Variants in GRIP1 observed in about 807,000 individuals in gnomAD.
The protein encoded by GRIP1 is glutamate receptor interacting protein 1, also known as glutamate receptor-interacting protein 1.
GRIP1 carries 45 observed loss-of-function variants against 129.9 expected under a neutral mutation model. The ratio of observed to expected loss-of-function variants is 0.35; its 90% CI spans 0.27 to 0.44. The LOEUF is 0.44. GRIP1 is among the 20% of genes least tolerant of loss of function. The pLI, the probability that GRIP1 is intolerant of heterozygous loss-of-function variation, is 1.00. For missense variants in GRIP1, 1,196 were observed against 1,396.8 expected (o/e 0.86, Z 2.29); for synonymous variants, 530 against 520.8 (o/e 1.02, Z -0.24).
At chr12:66,413,455 T>C (rs2057472668) in intron 15 of GRIP1, among the ~76,000 whole-genome samples, 1 of 152,026 alleles carries the variant, frequency 6.6e-6, no homozygotes, top group African/African-American at 2.4e-5. Flanking sequence ...CAGTAATAAA[T>C]AGGCTACCAA....
chr12:66,553,602 A>T (rs1335060981), intron 2 of GRIP1, among the ~76,000 whole-genome samples: 1 of 151,586 alleles, frequency 6.6e-6, no homozygotes, highest in Non-Finnish European at 1.5e-5. Context: ...GGAACCAAAA[A>T]TCAGGTGAGC....
At chr12:66,501,543 TG>T (rs908321054) in intron 7 of GRIP1, among the ~76,000 whole-genome samples, 5 of 152,184 alleles carry the variant, frequency 3.3e-5, no homozygotes, top group African/African-American at 1.2e-4. Context: ...CTATAAAAGA[TG>T]GCCTCAGACT....
chr12:66,628,115 T>C (rs1016436822), intron 1 of GRIP1, among the ~76,000 whole-genome samples: 14 of 152,138 alleles, frequency 9.2e-5, no homozygotes, highest in South Asian at 2.1e-4. Flanking sequence ...GGGAAAGCCA[T>C]AGCCACCTGG....
At chr12:66,520,127 C>T (rs987439160) in intron 5 of GRIP1, among the ~76,000 whole-genome samples, 2 of 152,218 alleles carry the variant, frequency 1.3e-5, no homozygotes, top group Non-Finnish European at 2.9e-5. Context: ...CCATACTAAA[C>T]AGATATGCTC....
chr12:67,052,018 C>T (rs1236831236), intron 1 of GRIP1, among the ~76,000 whole-genome samples: 1 of 152,112 alleles, frequency 6.6e-6, no homozygotes, highest in Admixed American at 6.6e-5. Context: ...CAGGCTGAAC[C>T]ACATATCAGT....
intron 23 of GRIP1, among the ~76,000 whole-genome samples, chr12:66,361,126 G>T (rs2054738933): frequency 6.6e-6 from 1 of 152,176 alleles, no homozygotes; most frequent in Non-Finnish European, 1.5e-5. Flanking sequence ...TTCTAAACTG[G>T]AAGCCTACAG....
At chr12:66,799,054 C>T (rs776533764) in intron 1 of GRIP1, among the ~76,000 whole-genome samples, 9 of 152,096 alleles carry the variant, frequency 5.9e-5, no homozygotes, top group East Asian at 1.9e-4. Flanking sequence ...CCCAGTTCCA[C>T]GACAATCAGT....
At chr12:66,940,915 T>TA (rs1157567473) in intron 1 of GRIP1, among the ~76,000 whole-genome samples, 3 of 152,200 alleles carry the variant, frequency 2.0e-5, no homozygotes, top group African/African-American at 7.2e-5. Context: ...AAGTGAGCTA[T>TA]AAATTTAATA....
chr12:66,350,222 G>A (rs2054159906), intron 24 of GRIP1, among the ~76,000 whole-genome samples: 1 of 152,044 alleles, frequency 6.6e-6, no homozygotes, highest in South Asian at 2.1e-4. Flanking sequence ...TTGTGGCCAG[G>A]TGCAGTGGCT....
intron 1 of GRIP1, among the ~76,000 whole-genome samples, chr12:66,625,399 T>C (rs976938379): frequency 6.6e-6 from 1 of 152,206 alleles, no homozygotes; most frequent in Non-Finnish European, 1.5e-5. Flanking sequence ...AGATGACCAG[T>C]AGATCTTATA....
chr12:66,355,220 ATGTGTG>A (rs142071978), intron 23 of GRIP1, among the ~76,000 whole-genome samples: 2 of 151,436 alleles, frequency 1.3e-5, no homozygotes, highest in Non-Finnish European at 3.0e-5. Context: ...TTGTGTGTGC[ATGTGTG>A]TGTGTGTGTG....
At chr12:66,527,914 T>A (rs2061310851) in intron 5 of GRIP1, among the ~76,000 whole-genome samples, 1 of 151,746 alleles carries the variant, frequency 6.6e-6, no homozygotes, top group East Asian at 1.9e-4. Flanking sequence ...CAAGCCCCCA[T>A]GACATGCAAT....
chr12:66,529,357 G>A (rs554818221), intron 5 of GRIP1, among the ~76,000 whole-genome samples: 4 of 152,160 alleles, frequency 2.6e-5, no homozygotes, highest in East Asian at 1.9e-4. Flanking sequence ...ACAGCAGCAC[G>A]ATTTGCAATT....
upstream of GRIP1, among the ~76,000 whole-genome samples, chr12:66,683,751 G>A (rs17426093): frequency 0.084 from 12,847 of 152,242 alleles, 783 homozygotes; most frequent in Non-Finnish European, 0.13. Context: ...GACCAGGAAA[G>A]CTCCTGTGAA....
rs1357533328 is a variant in GRIP1, at chr12:66,445,476, C to T, written c.1387G>A (p.Gly463Arg). The T allele has an allele frequency of 1.9e-6, 3 of 1,613,842 alleles. No individual in the cohort carries two copies. Among genetic ancestry groups the T allele is most frequent in the Non-Finnish European group, 2.5e-6 (3 of 1,179,930 alleles). The stretch of plus-strand genomic sequence containing the variant: ...GTGGTTTCTGTGTGAACAACCTGCC[C>T]AGCCAATCCTACTGTGCTGGAGGCT... ...SLASSTVGLA[G>R]QVVHTETTEV... is the part of the protein sequence containing the mutation. The change falls in exon 12 of 25, where the codon GGG (glycine) becomes AGG (arginine). Residue 463 changes from glycine (G) to arginine (R), a missense_variant. Gly to Arg is a moderately radical substitution (Grantham distance 125). Coordinates refer to ENST00000359742, the MANE Select transcript of GRIP1 (RefSeq NM_001366722.1).
At chr12:67,038,927 G>T (rs17780891) in intron 1 of GRIP1, among the ~76,000 whole-genome samples, 1 of 151,930 alleles carries the variant, frequency 6.6e-6, no homozygotes, top group Non-Finnish European at 1.5e-5. Context: ...ATGCCCTAAA[G>T]TACTAGGCAA....
rs936937096 is a variant in GRIP1 at position 66,547,271 on chromosome 12, A to C, written c.137-5321T>G. 7.9e-5 allele frequency among the ~76,000 whole-genome samples: 10 copies of C among 126,818 alleles called. 1 individual carries two copies. The East Asian group carries it at 2.3e-3, about 29-fold the overall frequency. 83.2% of individuals were successfully genotyped at this position (126,818 alleles called of 152,430 possible). ...AAGGCTAAAATAAAAATTAGTGACA[A>C]CACCAAATGCTGGTGAGGATGCAGA... On this transcript the variant is annotated intron_variant, in intron 2 of 24. Coordinates refer to ENST00000359742, the MANE Select transcript of GRIP1 (RefSeq NM_001366722.1).
At chr12:66,754,397 G>A (rs1009828488) in intron 1 of GRIP1, among the ~76,000 whole-genome samples, 13 of 152,108 alleles carry the variant, frequency 8.5e-5, no homozygotes, top group Non-Finnish European at 1.8e-4. Context: ...AACACACACC[G>A]CAGCGTTTCT....
intron 7 of GRIP1, among the ~76,000 whole-genome samples, chr12:66,469,938 G>A (rs1290499135): frequency 6.6e-6 from 1 of 152,076 alleles, no homozygotes; most frequent in Non-Finnish European, 1.5e-5. Flanking sequence ...GGTTCACGCT[G>A]CCCTCCATCA....
Sources: allele counts gnomAD v4.1 joint callset (sites outside exome capture counted in the v4.1 genomes callset), GRCh38; gene constraint gnomAD v4.1.1; transcripts MANE v1.5; gene names NCBI Gene and HGNC (gene_info 2026-07-23, HGNC 2026-07-21).